The following FILIP1L variants were observed in gnomAD, a reference collection of about 807,000 sequenced individuals.
FILIP1L encodes the protein filamin A interacting protein 1 like, also known as filamin A-interacting protein 1-like.
Under a neutral mutation model 96.6 loss-of-function variants are expected in FILIP1L, and 55 were observed. The observed-to-expected ratio is 0.57, with a 90% confidence interval of 0.46 to 0.71. The LOEUF (loss-of-function observed/expected upper bound fraction) is 0.71, where lower values mean the gene tolerates loss of function less well. Among genes scored for constraint, FILIP1L ranks in the 30% least tolerant of loss-of-function variants. FILIP1L has a pLI of 0.00. For synonymous variants in FILIP1L, 467 were observed against 473.9 expected (o/e 0.99, Z 0.19); for missense variants, 1,304 against 1,321.2 (o/e 0.99, Z 0.20).
At position 99,934,775 on chromosome 3, in the gene FILIP1L, C is replaced by T. The variant is rs921354032; in HGVS notation, c.-10-3745G>A. ...TGAAATCTGGTAGGAGAACATAGAT[C>T]ATTTGCCAGTGATGATATTCATAAG... On this transcript the variant is annotated intron_variant, in intron 1 of 5. Transcript: ENST00000477258. Among the ~76,000 whole-genome samples, 5 of 152,194 alleles carry T rather than the reference C, an allele frequency of 3.3e-5. No homozygotes were observed. The East Asian group carries it at 9.6e-4, about 29-fold the overall frequency.
In FILIP1L at chr3:99,872,269, CTGTGTGTGTGTGTGTGTG is replaced by C. The variant is rs55727823; in HGVS notation, c.606-21217_606-21200del. Among the ~76,000 whole-genome samples, 109 of 110,822 alleles carry C rather than the reference CTGTGTGTGTGTGTGTGTG, an allele frequency of 9.8e-4. No homozygotes were observed. In the East Asian group the frequency reaches 0.011, roughly 11 times the overall value. 72.7% of individuals were successfully genotyped at this position (110,822 alleles called of 152,430 possible). A position where few individuals can be genotyped will look rare whatever the true frequency, so the allele number is the denominator to read the frequency against. ...ATTCTGTGGATATTCTGTGCCAGGA[CTGTGTGTGTGTGTGTGTG>C]TGTGTGTGTGTGTGTGTGTGTGTGT... On this transcript the variant is annotated intron_variant, in intron 4 of 5. Transcript: ENST00000477258.
At chr3:100,058,492 T>A (rs1326499026) in intron 1 of FILIP1L, among the ~76,000 whole-genome samples, 1 of 152,182 alleles carries the variant, frequency 6.6e-6, no homozygotes, top group Non-Finnish European at 1.5e-5. Context: ...ATTGATGACC[T>A]CCTCTCTGTC....
At chr3:99,985,788 C>T (rs1431259809) in intron 1 of FILIP1L, among the ~76,000 whole-genome samples, 1 of 152,098 alleles carries the variant, frequency 6.6e-6, no homozygotes, top group African/African-American at 2.4e-5. Flanking sequence ...GGGGTTTCCC[C>T]ATGTTGGTCA....
chr3:99,904,450 A>G (rs1161395985), intron 4 of FILIP1L, among the ~76,000 whole-genome samples: 3 of 152,228 alleles, frequency 2.0e-5, no homozygotes, highest in Admixed American at 6.5e-5. Flanking sequence ...TCAAATTAAA[A>G]TAGAGCTTTT....
chr3:100,083,379 G>C (rs528614020), intron 1 of FILIP1L, among the ~76,000 whole-genome samples: 1 of 152,330 alleles, frequency 6.6e-6, no homozygotes, highest in Admixed American at 6.5e-5. Context: ...CTGGGAACTT[G>C]CAAGACATGA....
rs999556807 is a variant in FILIP1L at position 99,850,521 on chromosome 3, T to C, written c.1155A>G (p.Lys385=). The C allele has an allele frequency of 1.2e-6, 2 of 1,613,132 alleles. No individual in the cohort carries two copies. Among genetic ancestry groups the C allele is most frequent in the Admixed American group, 1.7e-5 (1 of 59,784 alleles). Residue 385 remains lysine, a synonymous_variant, in exon 5 of 6, where the codon AAA becomes AAG. Transcript: ENST00000477258. ...LRKRVLDMEG[K]DEELIKMEEQ... ...CCTCCATTTTTATGAGCTCTTCATC[T>C]TTCCCTTCCATATCTAGCACACGTT...
intron 1 of FILIP1L, among the ~76,000 whole-genome samples, chr3:100,106,487 C>T (rs529896263): frequency 4.3e-4 from 66 of 152,264 alleles, no homozygotes; most frequent in African/African-American, 1.5e-3. Context: ...GATCTGGAGC[C>T]ACCCATCTGA....
intron 1 of FILIP1L, among the ~76,000 whole-genome samples, chr3:100,035,280 T>G (rs564630294): frequency 2.0e-5 from 3 of 152,248 alleles, no homozygotes; most frequent in East Asian, 3.9e-4. Flanking sequence ...ATTAGTATTA[T>G]TATTATTATT....
chr3:100,064,692 T>G (rs1469212017), intron 1 of FILIP1L, among the ~76,000 whole-genome samples: 3 of 152,226 alleles, frequency 2.0e-5, no homozygotes, highest in African/African-American at 7.2e-5. Flanking sequence ...CTGATTTTCT[T>G]TAGCTTCAGA....
At chr3:100,001,977 C>A (rs1482316721) in intron 1 of FILIP1L, among the ~76,000 whole-genome samples, 1 of 151,858 alleles carries the variant, frequency 6.6e-6, no homozygotes, top group African/African-American at 2.4e-5. Flanking sequence ...TTGTCCATAT[C>A]CCCCCCAATT....
intron 1 of FILIP1L, among the ~76,000 whole-genome samples, chr3:100,029,027 A>T (rs2064977411): frequency 1.3e-5 from 2 of 152,002 alleles, no homozygotes; most frequent in South Asian, 4.2e-4. Flanking sequence ...ATTTTTCTTT[A>T]AAAAAAATTT....
intron 4 of FILIP1L, among the ~76,000 whole-genome samples, chr3:99,893,311 G>A (rs1469248307): frequency 3.3e-5 from 5 of 151,692 alleles, no homozygotes; most frequent in Non-Finnish European, 7.4e-5. Context: ...GACTACAGGC[G>A]CCTGCCACCA....
intron 1 of FILIP1L, among the ~76,000 whole-genome samples, chr3:99,958,603 A>G (rs1351337036): frequency 6.6e-6 from 1 of 152,138 alleles, no homozygotes; most frequent in Non-Finnish European, 1.5e-5. Flanking sequence ...ATTAGACAAC[A>G]TTTCAGAATA....
At chr3:99,937,063 A>G (rs1421024394) in intron 1 of FILIP1L, among the ~76,000 whole-genome samples, 2 of 151,914 alleles carry the variant, frequency 1.3e-5, no homozygotes, top group Non-Finnish European at 2.9e-5. Context: ...TCAGCCTCCC[A>G]AGTAGCTGGG....
chr3:99,907,643 C>T (rs1706662694), intron 4 of FILIP1L, among the ~76,000 whole-genome samples: 1 of 152,122 alleles, frequency 6.6e-6, no homozygotes, highest in African/African-American at 2.4e-5. Context: ...TAAGCCAAAC[C>T]ATATTCCTTG....
chr3:99,926,686 A>C (rs1707303076), intron 3 of FILIP1L, among the ~76,000 whole-genome samples: 1 of 152,260 alleles, frequency 6.6e-6, no homozygotes, highest in Non-Finnish European at 1.5e-5. Context: ...AGGCTTTTCT[A>C]AATCCAAAAA....
At chr3:99,904,352 T>C (rs1706541822) in intron 4 of FILIP1L, among the ~76,000 whole-genome samples, 1 of 152,242 alleles carries the variant, frequency 6.6e-6, no homozygotes, top group Non-Finnish European at 1.5e-5. Context: ...CAAGTATTTG[T>C]AACCATTTTC....
At chr3:99,900,419 C>A (rs1376693541) in intron 4 of FILIP1L, among the ~76,000 whole-genome samples, 2 of 152,114 alleles carry the variant, frequency 1.3e-5, no homozygotes. Context: ...TAAGGGTTAT[C>A]CCCATTGAAT....
intron 1 of FILIP1L, among the ~76,000 whole-genome samples, chr3:100,070,341 T>C: frequency 6.6e-6 from 1 of 152,138 alleles, no homozygotes; most frequent in Middle Eastern, 3.2e-3. Context: ...AATAGACATA[T>C]CTGAAATGAC....
Sources: gnomAD v4.1 joint callset for allele counts (sites outside exome capture counted in the v4.1 genomes callset) on GRCh38, gnomAD v4.1.1 for gene constraint, MANE v1.5 for transcripts, NCBI Gene and HGNC (gene_info 2026-07-23, HGNC 2026-07-21) for gene names.